The following ANAPC4 variants were observed in gnomAD, a reference collection of about 807,000 sequenced individuals.
The protein encoded by ANAPC4 is anaphase-promoting complex subunit 4.
Under a neutral mutation model 119.8 loss-of-function variants are expected in ANAPC4, and 63 were observed. The ratio of observed to expected loss-of-function variants is 0.53; its 90% confidence interval spans 0.43 to 0.65. The LOEUF (loss-of-function observed/expected upper bound fraction) is 0.65, where lower values mean the gene tolerates loss of function less well. Among genes scored for constraint, ANAPC4 ranks in the 30% least tolerant of loss-of-function variants. The pLI is 0.00. For synonymous variants in ANAPC4, 283 were observed against 318.6 expected (o/e 0.89, Z 1.19); for missense variants, 716 against 945.1 (o/e 0.76, Z 3.18).
chr4:25,402,307 G>C (rs1304449506), intron 16 of ANAPC4, among the ~76,000 whole-genome samples: 1 of 152,134 alleles, frequency 6.6e-6, no homozygotes, highest in Non-Finnish European at 1.5e-5. Context: ...TTTTTGCCTA[G>C]AATAATTATC....
chr4:25,407,987 A>G (rs748806106), intron 20 of ANAPC4, among the ~76,000 whole-genome samples: 4 of 152,356 alleles, frequency 2.6e-5, no homozygotes, highest in Non-Finnish European at 4.4e-5. Context: ...ATTTTACAAT[A>G]TAATTTAGTT....
Position 25,380,463 on chromosome 4 carries a change from G to C in ANAPC4, c.219G>C (p.Trp73Cys). Residue 73 changes from tryptophan to cysteine, a missense_variant, in exon 3 of 29, where the codon TGG becomes TGC. Physicochemically the swap from Trp to Cys is radical, Grantham distance 215. This residue lies in a region of ANAPC4 where 202 missense variants were observed against 293.5 expected (regional missense o/e 0.69). Transcript: ENST00000315368. ...GAAAGGAGGTGACGTGTCTGGCATG[G>C]AGACCAGATGGCAAACGTAATGATA... ...NTGKEVTCLA[W>C]RPDGKLLAFA... 6.2e-7 allele frequency: 1 copy of C among 1,609,164 alleles called. No homozygotes were observed. Among genetic ancestry groups the C allele is most frequent in the Non-Finnish European group, 8.5e-7 (1 of 1,177,576 alleles).
chr4:25,377,638 G>A, intron 2 of ANAPC4, 82 bp downstream of exon 2: 1 of 1,505,784 alleles, frequency 6.6e-7, no homozygotes, highest in Non-Finnish European at 8.9e-7. Flanking sequence ...CTGTTCATTC[G>A]GGCCACAGGC....
Position 25,411,534 on chromosome 4 carries a change from T to C in ANAPC4, c.1525+1743T>C, listed in dbSNP as rs187156692. 6.8e-3 allele frequency among the ~76,000 whole-genome samples: 1,041 copies of C among 152,296 alleles called. 7 individuals are homozygous for C. The highest frequency in any genetic ancestry group is 0.02 in the Middle Eastern group (6 of 294). On this transcript the variant is annotated intron_variant, in intron 21 of 28. Coordinates refer to ENST00000315368, the MANE Select transcript of ANAPC4 (RefSeq NM_013367.3). Reference sequence around the variant, plus strand: ...ATCTGTGTACTTTCTTTAGGGTACATGGGTCAGTATTGTGTGGTGGGTAAA... The same window carrying C: ...ATCTGTGTACTTTCTTTAGGGTACACGGGTCAGTATTGTGTGGTGGGTAAA...
At chr4:25,417,207 C>T (rs976223372) in intron 27 of ANAPC4, 2 of 153,440 alleles carry the variant, frequency 1.3e-5, no homozygotes, top group South Asian at 2.0e-4. Flanking sequence ...TCACTGCAGC[C>T]TCCAACTCAT....
At chr4:25,387,335 A>G (rs1722094228) in intron 4 of ANAPC4, among the ~76,000 whole-genome samples, 1 of 152,226 alleles carries the variant, frequency 6.6e-6, no homozygotes, top group African/African-American at 2.4e-5. Flanking sequence ...TACTAAGGTA[A>G]TATCAAATGA....
At chr4:25,378,765 A>G (rs1027842288) in intron 2 of ANAPC4, among the ~76,000 whole-genome samples, 1 of 152,232 alleles carries the variant, frequency 6.6e-6, no homozygotes, top group Non-Finnish European at 1.5e-5. Flanking sequence ...TAAGACCCAC[A>G]TGAGATCGGT....
rs1723222294 is a variant in ANAPC4, at chr4:25,405,826, CTAAATT to C, written c.1317+210_1317+215del. Among the ~76,000 whole-genome samples the C allele has an allele frequency of 6.6e-6, 1 of 152,172 alleles. No individual in the cohort carries two copies. The highest frequency in any genetic ancestry group is 2.1e-4 in the South Asian group (1 of 4,824). On this transcript the variant is annotated intron_variant, in intron 18 of 28. Transcript: ENST00000315368. The surrounding 1 kb of genome is among the most constrained non-coding windows in gnomAD (Gnocchi z 4.6). ...CATAGAATACCTTTATTATGACTAT[CTAAATT>C]TATAGTTTTCATGTTTGGATAAGGT...
intron 17 of ANAPC4, 38 bp downstream of exon 17, chr4:25,403,064 T>G: frequency 6.9e-7 from 1 of 1,455,580 alleles, no homozygotes; most frequent in Non-Finnish European, 9.5e-7. Flanking sequence ...TTTTAACACT[T>G]TAAAAAAATT....
intron 26 of ANAPC4, 22 bp from the exon 27 acceptor site, chr4:25,416,403 A>G (rs1267656971): frequency 3.4e-6 from 5 of 1,461,284 alleles, no homozygotes; most frequent in Non-Finnish European, 4.6e-6. Flanking sequence ...CTTTGATATA[A>G]CAAAACTTAT....
rs757521154 is a variant in ANAPC4 at position 25,418,298 on chromosome 4, A to G, written c.2343A>G (p.Ala781=). 1 of 1,614,132 alleles carries G rather than the reference A, an allele frequency of 6.2e-7. No individual in the cohort carries two copies. Among genetic ancestry groups the G allele is most frequent in the Non-Finnish European group, 8.5e-7 (1 of 1,179,978 alleles). ...IKEEVLSESE[A]ENQQAGAAAL... ...AAGAAGTGTTGTCGGAGTCAGAGGC[A>G]GAGAACCAACAAGCTGGTGCTGCCG... The change falls in exon 29 of 29, where the codon GCA becomes GCG. Residue 781 remains alanine (A), a synonymous_variant. Coordinates refer to ENST00000315368, the MANE Select transcript of ANAPC4 (RefSeq NM_013367.3).
intron 21 of ANAPC4, among the ~76,000 whole-genome samples, chr4:25,411,191 A>G (rs1379035310): frequency 6.6e-6 from 1 of 152,170 alleles, no homozygotes; most frequent in Non-Finnish European, 1.5e-5. Flanking sequence ...AGGAGACGCT[A>G]CTTATTTACT....
At chr4:25,392,298 G>C (rs748207055) in intron 9 of ANAPC4, 40 bp from the exon 10 acceptor site, 2 of 1,367,114 alleles carry the variant, frequency 1.5e-6, no homozygotes. Context: ...TGCAGCAAGT[G>C]CATCTGATGA....
chr4:25,392,469 A>C (rs375380358), intron 10 of ANAPC4, 48 bp downstream of exon 10: 1 of 1,472,634 alleles, frequency 6.8e-7, no homozygotes, highest in African/African-American at 1.4e-5. Flanking sequence ...ATCGGCTTCT[A>C]AAGTTCTGTA....
chr4:25,396,808 C>T lies in ANAPC4; in HGVS notation c.1163-40C>T, dbSNP rs752317052. The T allele has an allele frequency of 6.8e-6, 11 of 1,608,498 alleles. No individual in the cohort carries two copies. The Admixed American group carries it at 1.9e-4, about 27-fold the overall frequency. ...AGTGAAATACATTAAACACAGTTTA[C>T]TTATTTGACAAATGACGTTTATTTA... is the stretch of plus-strand genomic sequence containing the variant. On this transcript the variant is annotated intron_variant, in intron 15 of 28. Transcript: ENST00000315368.
chr4:25,389,960 A>G (rs1267704873), intron 7 of ANAPC4, among the ~76,000 whole-genome samples, 176 bp from the exon 8 acceptor site: 1 of 152,194 alleles, frequency 6.6e-6, no homozygotes, highest in African/African-American at 2.4e-5. Flanking sequence ...GAAAAAAGGA[A>G]TGAGCCTGAT....
At chr4:25,417,824 A>G in intron 28 of ANAPC4, 85 bp downstream of exon 28, 3 of 1,502,112 alleles carry the variant, frequency 2.0e-6, no homozygotes, top group East Asian at 2.3e-5. Context: ...TACATGATAT[A>G]TAAGGTCCTT....
At chr4:25,379,427 TAGG>T (rs1466470627) in intron 2 of ANAPC4, among the ~76,000 whole-genome samples, 5 of 151,942 alleles carry the variant, frequency 3.3e-5, no homozygotes, top group African/African-American at 9.7e-5. Context: ...GATTCAAAGT[TAGG>T]AGATTTACAA....
chr4:25,393,797 G>T lies in ANAPC4; in HGVS notation c.790-8G>T. 2 of 1,561,166 alleles carry T rather than the reference G, an allele frequency of 1.3e-6. No individual in the cohort carries two copies. The highest frequency in any genetic ancestry group is 1.7e-6 in the Non-Finnish European group (2 of 1,150,374). ...TTTACCATTTCAATTTTTCTTTTTT[G>T]CTAATAGTATATAAATTTGTCACTA... On this transcript the variant is annotated splice_region_variant and splice_polypyrimidine_tract_variant and intron_variant, in intron 10 of 28. Coordinates refer to ENST00000315368, the MANE Select transcript of ANAPC4 (RefSeq NM_013367.3).
Sources: gnomAD v4.1 joint callset for allele counts (sites outside exome capture counted in the v4.1 genomes callset) on GRCh38, gnomAD v4.1.1 for gene constraint, gnomAD v4.1.1 regional missense constraint, Gnocchi (gnomAD v3.1) non-coding constraint, MANE v1.5 for transcripts, NCBI Gene and HGNC (gene_info 2026-07-23, HGNC 2026-07-21) for gene names.